Variants in ARHGAP10 observed in about 807,000 individuals in gnomAD.
ARHGAP10 encodes Rho GTPase activating protein 10.
ARHGAP10 carries 87 observed loss-of-function variants against 108.6 expected under a neutral mutation model. The observed-to-expected ratio is 0.80, with a 90% CI of 0.67 to 0.96. The LOEUF is 0.96. Among genes scored for constraint, ARHGAP10 ranks in the 40% least tolerant of loss-of-function variants. The pLI is 0.00. For missense variants in ARHGAP10, 939 were observed against 954.5 expected, an observed-to-expected ratio of 0.98 and a Z score of 0.21; for synonymous variants, 347 against 341.1, an observed-to-expected ratio of 1.02 and a Z score of -0.19.
rs79445761 is a variant in ARHGAP10 at position 147,854,994 on chromosome 4, A to G, written c.385-2559A>G. Among the ~76,000 whole-genome samples, 931 of 152,332 alleles carry G rather than the reference A, an allele frequency of 6.1e-3. 10 individuals carry two copies. Among genetic ancestry groups the G allele is most frequent in the African/African-American group, 0.021 (876 of 41,566 alleles). ...GTGCTGGGTGTTTTGACCGCTGATT[A>G]AAGCGTCACCCCTTCCTCGGCCCCT... On this transcript the variant is annotated intron_variant, in intron 4 of 22. Coordinates refer to ENST00000336498, the MANE Select transcript of ARHGAP10 (RefSeq NM_024605.4).
chr4:148,003,312 G>T (rs1740806051), intron 18 of ARHGAP10, among the ~76,000 whole-genome samples: 1 of 152,292 alleles, frequency 6.6e-6, no homozygotes, highest in African/African-American at 2.4e-5. Context: ...TTTTACTTTT[G>T]GTGAGGAGTG....
intron 10 of ARHGAP10, among the ~76,000 whole-genome samples, chr4:147,903,179 C>G (rs1441873069): frequency 6.6e-6 from 1 of 152,190 alleles, no homozygotes; most frequent in Non-Finnish European, 1.5e-5. Flanking sequence ...TTGTGCCACT[C>G]TCCAGCAGGC....
chr4:147,865,034 GT>G, intron 6 of ARHGAP10, 78 bp downstream of exon 6: 1 of 1,289,692 alleles, frequency 7.8e-7, no homozygotes, highest in Non-Finnish European at 1.1e-6. Flanking sequence ...CTGATTTATG[GT>G]TTATAGTTAC....
At position 147,955,375 on chromosome 4, in the gene ARHGAP10, G is replaced by A. The variant is rs1560843766; in HGVS notation, c.1450+1G>A. The A allele has an allele frequency of 2.5e-6, 4 of 1,609,856 alleles. No individual in the cohort carries two copies. Among genetic ancestry groups the A allele is most frequent in the Non-Finnish European group, 2.5e-6 (3 of 1,176,816 alleles). ...CATGGAGATTTCATTGTTCCAGCCA[G>A]TAAGTATTATGTAAAGGTATATAGG... On this transcript the variant is annotated splice_donor_variant, in intron 16 of 22. Coordinates refer to ENST00000336498, the MANE Select transcript of ARHGAP10 (RefSeq NM_024605.4). LOFTEE classifies it high-confidence loss of function.
At chr4:147,735,360 A>G (rs891705883) in intron 1 of ARHGAP10, among the ~76,000 whole-genome samples, 9 of 152,362 alleles carry the variant, frequency 5.9e-5, no homozygotes, top group Admixed American at 2.6e-4. Flanking sequence ...TAACTTTTCC[A>G]GGGACAAGGG....
rs76696106 is a variant in ARHGAP10, at chr4:148,058,398, G to A, written c.2028-4750G>A. ...AAGCATTCATTTCTTTTCTTAATGCGTATTCTCCTCGCTCTACCCTTTTGA... is the reference window on the plus strand; with the variant it reads ...AAGCATTCATTTCTTTTCTTAATGCATATTCTCCTCGCTCTACCCTTTTGA... On this transcript the variant is annotated intron_variant, in intron 20 of 22. Transcript: ENST00000336498. Among the ~76,000 whole-genome samples the A allele has an allele frequency of 3.1e-3, 471 of 152,246 alleles. 3 individuals carry two copies. The highest frequency in any genetic ancestry group is 4.9e-3 in the Non-Finnish European group (335 of 68,024).
intron 10 of ARHGAP10, among the ~76,000 whole-genome samples, chr4:147,884,556 C>G (rs924965233): frequency 2.0e-5 from 3 of 152,186 alleles, no homozygotes; most frequent in African/African-American, 4.8e-5. Flanking sequence ...TAATTTACTT[C>G]CATTGAGGCT....
Position 147,732,113 on chromosome 4 carries a change from C to T in ARHGAP10, c.-189C>T. 2.5e-6 allele frequency: 1 copy of T among 400,838 alleles called. No individual in the cohort carries two copies. Among genetic ancestry groups the T allele is most frequent in the South Asian group, 1.1e-4 (1 of 8,912 alleles). The allele number at this position is 400,838 out of a possible 1,614,324, so 24.8% of individuals were successfully genotyped here. On this transcript the variant is annotated 5_prime_UTR_variant, in exon 1 of 23. Transcript: ENST00000336498. ...GGGGCGCCGCAGCTAGCGCTGGTCTCGGTGGCAGCTCCTCCGCGCCGCAGG... is the reference window on the plus strand; with the variant it reads ...GGGGCGCCGCAGCTAGCGCTGGTCTTGGTGGCAGCTCCTCCGCGCCGCAGG...
intron 1 of ARHGAP10, among the ~76,000 whole-genome samples, chr4:147,798,125 G>A (rs778009816): frequency 2.0e-5 from 3 of 148,796 alleles, no homozygotes; most frequent in Non-Finnish European, 3.0e-5. Context: ...CATCTCTTCA[G>A]TTTTGCTTTT....
At chr4:147,854,512 A>G (rs1734012099) in intron 4 of ARHGAP10, among the ~76,000 whole-genome samples, 1 of 152,180 alleles carries the variant, frequency 6.6e-6, no homozygotes, top group Non-Finnish European at 1.5e-5. Context: ...ATTTATAAGA[A>G]AAGTTTTCAT....
At chr4:147,957,146 A>G (rs950114013) in intron 16 of ARHGAP10, among the ~76,000 whole-genome samples, 1 of 152,162 alleles carries the variant, frequency 6.6e-6, no homozygotes, top group Non-Finnish European at 1.5e-5. Flanking sequence ...GGACCGTCAG[A>G]AAGAAATACT....
chr4:147,898,798 C>G (rs1736100544), intron 10 of ARHGAP10, among the ~76,000 whole-genome samples: 1 of 145,062 alleles, frequency 6.9e-6, no homozygotes, highest in African/African-American at 2.5e-5. Flanking sequence ...CAGCCTCTGC[C>G]TAGGTTATCT....
chr4:147,765,323 G>GGTGTGT (rs34349553), intron 1 of ARHGAP10, among the ~76,000 whole-genome samples: 15 of 84,944 alleles, frequency 1.8e-4, no homozygotes, highest in South Asian at 4.8e-4. Context: ...TGTGTGCTGT[G>GGTGTGT]GTGTGTGTGT....
intron 12 of ARHGAP10, among the ~76,000 whole-genome samples, chr4:147,911,994 CGTGTGTGTGTGT>C (rs36217593): frequency 0.42 from 56,156 of 135,208 alleles, 13,430 homozygotes; most frequent in Non-Finnish European, 0.54. Context: ...AGAACATTCA[CGTGTGTGTGTGT>C]GTGTGTGTGT....
At chr4:148,008,639 A>G (rs1445257841) in intron 18 of ARHGAP10, among the ~76,000 whole-genome samples, 1 of 152,102 alleles carries the variant, frequency 6.6e-6, no homozygotes, top group Non-Finnish European at 1.5e-5. Context: ...TTCTACTAAC[A>G]GTGTCTGTTG....
At chr4:147,882,787 A>C (rs1478403562) in intron 10 of ARHGAP10, among the ~76,000 whole-genome samples, 1 of 152,216 alleles carries the variant, frequency 6.6e-6, no homozygotes, top group South Asian at 2.1e-4. Flanking sequence ...TTTGTTCATC[A>C]GTATTACTAC....
At chr4:148,009,139 T>C (rs536139803) in intron 18 of ARHGAP10, among the ~76,000 whole-genome samples, 31 of 148,400 alleles carry the variant, frequency 2.1e-4, no homozygotes, top group African/African-American at 6.1e-4. Flanking sequence ...TTTTTTCTCT[T>C]TTTTTTTTTT....
intron 15 of ARHGAP10, among the ~76,000 whole-genome samples, chr4:147,947,568 A>G (rs1048823939): frequency 1.3e-4 from 20 of 151,818 alleles, no homozygotes; most frequent in African/African-American, 3.9e-4. Context: ...ACGCCTGGCT[A>G]AGTTTTGTAA....
chr4:148,039,667 C>A (rs985784587), intron 19 of ARHGAP10, among the ~76,000 whole-genome samples: 6 of 151,804 alleles, frequency 4.0e-5, no homozygotes, highest in Admixed American at 3.3e-4. Context: ...CAATCTGATT[C>A]TTTTTCTTTT....
Sources: gnomAD v4.1 joint callset for allele counts (sites outside exome capture counted in the v4.1 genomes callset) on GRCh38, gnomAD v4.1.1 for gene constraint, MANE v1.5 for transcripts, NCBI Gene and HGNC (gene_info 2026-07-23, HGNC 2026-07-21) for gene names.